The following GALNT17 variants were observed in gnomAD, a reference collection of about 807,000 sequenced individuals.
The protein encoded by GALNT17 is UDP-GalNAc:polypeptide N-acetylgalactosaminyltransferase-like 3.
GALNT17 carries 29 observed loss-of-function variants against 63.7 expected under a neutral mutation model. The observed-to-expected ratio is 0.46, with a 90% CI of 0.34 to 0.62. GALNT17 has a LOEUF of 0.62. Among genes scored for constraint, GALNT17 ranks in the 20% least tolerant of loss-of-function variants. The probability of loss-of-function intolerance (pLI) is 0.01; values close to 1 mark genes in which losing one functional copy is unlikely to be tolerated. For missense variants in GALNT17, 603 were observed against 799.6 expected, an observed-to-expected ratio of 0.75 and a Z score of 2.97; for synonymous variants, 305 against 318.3, an observed-to-expected ratio of 0.96 and a Z score of 0.45.
At position 71,202,173 on chromosome 7, in the gene GALNT17, G is replaced by A. The variant is rs563012095; in HGVS notation, c.238+69133G>A. 1.2e-4 allele frequency among the ~76,000 whole-genome samples: 18 copies of A among 151,968 alleles called. No homozygotes were observed. The South Asian group carries it at 1.9e-3, about 16-fold the overall frequency. On this transcript the variant is annotated intron_variant, in intron 1 of 10. Transcript: ENST00000333538. ...ATTTTACATAAAACAATATAAATAA[G>A]CAATGAAAAGTTTTCCAGGGCAAAA...
chr7:71,198,702 G>A (rs1488683874), intron 1 of GALNT17, among the ~76,000 whole-genome samples: 1 of 152,232 alleles, frequency 6.6e-6, no homozygotes, highest in Non-Finnish European at 1.5e-5. Context: ...CTTGGTTTCT[G>A]CAGGTGGTGT....
chr7:71,137,754 G>A (rs1308095777), intron 1 of GALNT17, among the ~76,000 whole-genome samples: 1 of 152,212 alleles, frequency 6.6e-6, no homozygotes, highest in East Asian at 1.9e-4. Flanking sequence ...TCGGAAGTGA[G>A]CCAGGTTAGG....
Position 71,426,975 on chromosome 7 carries a change from G to A in GALNT17, c.962+5870G>A, listed in dbSNP as rs189784125. On this transcript the variant is annotated intron_variant, in intron 5 of 10. Transcript: ENST00000333538. ...AGAAAGACAAGCGTGTTCTTCATAG[G>A]AAGTTATACCATCAATCCATATTAA... is the stretch of plus-strand genomic sequence containing the variant. Among the ~76,000 whole-genome samples the A allele has an allele frequency of 2.6e-5, 4 of 151,936 alleles. No homozygotes were observed. In the East Asian group the frequency reaches 7.8e-4, roughly 29 times the overall value.
chr7:71,532,317 G>C (rs1381759527), intron 5 of GALNT17, among the ~76,000 whole-genome samples: 5 of 152,244 alleles, frequency 3.3e-5, no homozygotes, highest in African/African-American at 1.2e-4. Context: ...CAAGGGTCTG[G>C]AAAATGTGTT....
At chr7:71,286,939 T>C (rs1442761456) in intron 1 of GALNT17, among the ~76,000 whole-genome samples, 2 of 151,520 alleles carry the variant, frequency 1.3e-5, no homozygotes, top group East Asian at 3.9e-4. Context: ...TACAGGCGCC[T>C]GCCACTACAA....
At chr7:71,244,832 T>A (rs1247973216) in intron 1 of GALNT17, among the ~76,000 whole-genome samples, 1 of 151,902 alleles carries the variant, frequency 6.6e-6, no homozygotes, top group African/African-American at 2.4e-5. Flanking sequence ...CACCTGTAGT[T>A]CTAGTTGCTT....
At chr7:71,169,295 C>G (rs977188849) in intron 1 of GALNT17, among the ~76,000 whole-genome samples, 5 of 152,164 alleles carry the variant, frequency 3.3e-5, no homozygotes, top group Non-Finnish European at 5.9e-5. Context: ...CAGCATCCCC[C>G]CTAGGCTCTC....
chr7:71,280,056 T>A (rs1369504927), intron 1 of GALNT17, among the ~76,000 whole-genome samples: 2 of 152,172 alleles, frequency 1.3e-5, no homozygotes, highest in African/African-American at 2.4e-5. Flanking sequence ...TACTGGGTTA[T>A]ATGCATGCTT....
At chr7:71,185,861 A>G (rs1788841756) in intron 1 of GALNT17, among the ~76,000 whole-genome samples, 1 of 152,206 alleles carries the variant, frequency 6.6e-6, no homozygotes, top group Non-Finnish European at 1.5e-5. Context: ...TGCAGCTAAT[A>G]ATCATAGTCA....
chr7:71,344,659 C>T (rs775091094), intron 2 of GALNT17, among the ~76,000 whole-genome samples: 2 of 152,002 alleles, frequency 1.3e-5, no homozygotes, highest in South Asian at 2.1e-4. Flanking sequence ...TGGTTACCAA[C>T]GTTTATTGAG....
intron 1 of GALNT17, among the ~76,000 whole-genome samples, chr7:71,316,589 A>G (rs1437278087): frequency 6.6e-6 from 1 of 152,180 alleles, no homozygotes; most frequent in East Asian, 1.9e-4. Context: ...AATAAGCACC[A>G]TGTAGCTTGG....
chr7:71,530,932 T>C (rs1788710704), intron 5 of GALNT17, among the ~76,000 whole-genome samples: 1 of 152,174 alleles, frequency 6.6e-6, no homozygotes, highest in South Asian at 2.1e-4. Context: ...AGGTCAGCAT[T>C]GTCCAACAGA....
At chr7:71,290,134 A>G (rs1248540677) in intron 1 of GALNT17, among the ~76,000 whole-genome samples, 1 of 152,218 alleles carries the variant, frequency 6.6e-6, no homozygotes, top group Non-Finnish European at 1.5e-5. Flanking sequence ...GCATGATAGC[A>G]TGCAACCATC....
intron 6 of GALNT17, among the ~76,000 whole-genome samples, chr7:71,599,240 G>A (rs1482778900): frequency 6.6e-6 from 1 of 152,218 alleles, no homozygotes; most frequent in Non-Finnish European, 1.5e-5. Context: ...GTTAGGGACA[G>A]AGCCTAAGAG....
intron 5 of GALNT17, among the ~76,000 whole-genome samples, chr7:71,561,858 G>A (rs1789261607): frequency 6.6e-6 from 1 of 152,092 alleles, no homozygotes; most frequent in Admixed American, 6.6e-5. Flanking sequence ...TGAGGGGTGG[G>A]TGGAAGACAC....
chr7:71,623,165 TC>T (rs1790321136), intron 6 of GALNT17, among the ~76,000 whole-genome samples: 1 of 152,046 alleles, frequency 6.6e-6, no homozygotes, highest in African/African-American at 2.4e-5. Context: ...TCATCAAACT[TC>T]CTGAATGCAA....
chr7:71,191,074 C>T (rs181164974), intron 1 of GALNT17, among the ~76,000 whole-genome samples: 1 of 152,236 alleles, frequency 6.6e-6, no homozygotes, highest in East Asian at 1.9e-4. Flanking sequence ...ATGTAATTTA[C>T]ATACAGAGTG....
At chr7:71,424,931 C>T (rs888914746) in intron 5 of GALNT17, among the ~76,000 whole-genome samples, 9 of 152,154 alleles carry the variant, frequency 5.9e-5, no homozygotes. Flanking sequence ...AGGAGATTTG[C>T]ATTAAGGGAA....
At position 71,610,148 on chromosome 7, in the gene GALNT17, T is replaced by C. The variant is rs865979801; in HGVS notation, c.1080+38746T>C. ...ATAATAAAATCAAAAATTGATAATA[T>C]AGAATTAAATAAAAAGACCCCTGAT... is the stretch of plus-strand genomic sequence containing the variant. On this transcript the variant is annotated intron_variant, in intron 6 of 10. Transcript: ENST00000333538. 5.9e-5 allele frequency among the ~76,000 whole-genome samples: 9 copies of C among 152,152 alleles called. No homozygotes were observed. In the Middle Eastern group the frequency reaches 0.014, roughly 230 times the overall value.
Sources: allele counts gnomAD v4.1 joint callset (sites outside exome capture counted in the v4.1 genomes callset), GRCh38; gene constraint gnomAD v4.1.1; transcripts MANE v1.5; gene names NCBI Gene and HGNC (gene_info 2026-07-23, HGNC 2026-07-21).